The following SNRPD3 variants were observed in gnomAD, a reference collection of about 807,000 sequenced individuals.
SNRPD3 encodes the protein small nuclear ribonucleoprotein D3 polypeptide.
For synonymous variants in SNRPD3, 66 were observed against 58.4 expected, an observed-to-expected ratio of 1.13 and a Z score of -0.59; for missense variants, 73 against 167.5, an observed-to-expected ratio of 0.44 and a Z score of 3.11.
intron 2 of SNRPD3, among the ~76,000 whole-genome samples, chr22:24,560,142 A>AGTCTTGCTCTGTCACCCAGGCTGCG (rs2045120001): frequency 7.7e-6 from 1 of 129,364 alleles, no homozygotes; most frequent in Non-Finnish European, 1.5e-5. Flanking sequence ...CCCAGGCTGC[A>AGTCTTGCTCTGTCACCCAGGCTGCG]GTCTTGCTCT....
Position 24,569,140 on chromosome 22 carries a change from G to A in SNRPD3, c.319+964G>A, listed in dbSNP as rs145162404. Among the ~76,000 whole-genome samples, 465 of 152,280 alleles carry A rather than the reference G, an allele frequency of 3.1e-3. 6 individuals carry two copies. Among genetic ancestry groups the A allele is most frequent in the East Asian group, 0.021 (111 of 5,186 alleles). On this transcript the variant is annotated intron_variant, in intron 3 of 3. Transcript: ENST00000215829. ...AGGGCAGCATTTCCTAGCGAGACTG[G>A]GTCTTATGGATGGACACCAGCATGT...
Position 24,572,198 on chromosome 22 carries a change from A to G in SNRPD3, c.*221A>G, listed in dbSNP as rs191761698. On this transcript the variant is annotated 3_prime_UTR_variant, in exon 4 of 4. Coordinates refer to ENST00000215829, the MANE Select transcript of SNRPD3 (RefSeq NM_004175.5). ...TGTTCATTTGAAGTTTGCTTTGGCT[A>G]AATTTTGACACCCTGGGGGATGTCC... is the stretch of plus-strand genomic sequence containing the variant. 116 of 798,522 alleles carry G rather than the reference A, an allele frequency of 1.5e-4. 1 individual carries two copies. The African/African-American group carries it at 1.7e-3, about 12-fold the overall frequency. 49.5% of individuals were successfully genotyped at this position (798,522 alleles called of 1,614,324 possible).
intron 3 of SNRPD3, among the ~76,000 whole-genome samples, chr22:24,570,815 CTTTT>C (rs10705174): frequency 9.4e-6 from 1 of 106,700 alleles, no homozygotes. Context: ...TGAAATAATT[CTTTT>C]TTTTTTTTTT....
In SNRPD3 at chr22:24,557,755, A is replaced by C. The variant is rs781310112; in HGVS notation, c.81A>C (p.Val27=). The C allele has an allele frequency of 1.2e-6, 2 of 1,611,260 alleles. No individual in the cohort carries two copies. The highest frequency in any genetic ancestry group is 2.2e-5 in the South Asian group (2 of 90,424). The change falls in exon 2 of 4, where the codon GTA becomes GTC. Residue 27 remains valine (V), a synonymous_variant. Coordinates refer to ENST00000215829, the MANE Select transcript of SNRPD3 (RefSeq NM_004175.5). ...IVTCETNTGE[V]YRGKLIEAED... is the part of the protein sequence containing the mutation. ...CATGTGAGACGAACACCGGTGAGGTATATCGGGGGAAGCTCATTGAAGCAG... is the reference window on the plus strand; with the variant it reads ...CATGTGAGACGAACACCGGTGAGGTCTATCGGGGGAAGCTCATTGAAGCAG...
At chr22:24,569,888 C>G (rs1450360565) in intron 3 of SNRPD3, among the ~76,000 whole-genome samples, 1 of 152,192 alleles carries the variant, frequency 6.6e-6, no homozygotes, top group Non-Finnish European at 1.5e-5. Context: ...AGCTTCTAGC[C>G]CCATGGAGTT....
chr22:24,561,490 A>C (rs948916178), intron 2 of SNRPD3, among the ~76,000 whole-genome samples: 3 of 152,190 alleles, frequency 2.0e-5, no homozygotes, highest in Non-Finnish European at 2.9e-5. Context: ...TAGAGGCCTC[A>C]CTGGGTCTAT....
At position 24,557,791 on chromosome 22, in the gene SNRPD3, G is replaced by T. The variant is rs1262952964; in HGVS notation, c.117G>T (p.Met39Ile). ...AGCTCATTGAAGCAGAGGACAACAT[G>T]AACTGCCAGGTATTCTGCTTTGCAT... is the stretch of plus-strand genomic sequence containing the variant. ...RGKLIEAEDN[M>I]NCQMSNITVT... The change falls in exon 2 of 4, where the codon ATG becomes ATT. Residue 39 changes from methionine (M) to isoleucine (I), a missense_variant. By Grantham distance (10) the Met-to-Ile change is conservative. Transcript: ENST00000215829. 1.2e-6 allele frequency: 2 copies of T among 1,607,866 alleles called. No homozygotes were observed. Among genetic ancestry groups the T allele is most frequent in the East Asian group, 4.5e-5 (2 of 44,434 alleles).
intron 2 of SNRPD3, among the ~76,000 whole-genome samples, chr22:24,563,113 A>G (rs1292788368): frequency 6.6e-6 from 1 of 151,960 alleles, no homozygotes; most frequent in East Asian, 1.9e-4. Flanking sequence ...CATGCCTGTA[A>G]TCCCAGCACT....
rs537356630 is a variant in SNRPD3, at chr22:24,573,997, C to G, written c.*2020C>G. Among the ~76,000 whole-genome samples the G allele has an allele frequency of 6.6e-6, 1 of 152,338 alleles. No individual in the cohort carries two copies. Among genetic ancestry groups the G allele is most frequent in the South Asian group, 2.1e-4 (1 of 4,822 alleles). ...CCAGGAATCTGCATTTTAAACAATT[C>G]CCTGGTCCCCAGATAAGTAATTCTT... On this transcript the variant is annotated 3_prime_UTR_variant, in exon 4 of 4. Coordinates refer to ENST00000215829, the MANE Select transcript of SNRPD3 (RefSeq NM_004175.5).
Position 24,574,211 on chromosome 22 carries a change from T to C in SNRPD3, c.*2234T>C, listed in dbSNP as rs575392761. On this transcript the variant is annotated 3_prime_UTR_variant, in exon 4 of 4. Coordinates refer to ENST00000215829, the MANE Select transcript of SNRPD3 (RefSeq NM_004175.5). ...AAAAGCGACTTTTGATGTAGTTCAC[T>C]CTGGACCCGTACAGGAACACCAGCC... Among the ~76,000 whole-genome samples, 4 of 152,328 alleles carry C rather than the reference T, an allele frequency of 2.6e-5. No individual in the cohort carries two copies. The highest frequency in any genetic ancestry group is 9.6e-5 in the African/African-American group (4 of 41,576).
intron 3 of SNRPD3, among the ~76,000 whole-genome samples, chr22:24,569,401 A>G (rs575313394): frequency 2.0e-5 from 3 of 152,336 alleles, no homozygotes; most frequent in East Asian, 3.9e-4. Context: ...CAGCCAAGGA[A>G]GGCACTGGAT....
chr22:24,567,803 T>G (rs919495646), intron 2 of SNRPD3, among the ~76,000 whole-genome samples, 181 bp from the exon 3 acceptor site: 4 of 152,006 alleles, frequency 2.6e-5, no homozygotes, highest in Non-Finnish European at 4.4e-5. Context: ...GAGGACTGTT[T>G]AGGTAAAGTG....
At chr22:24,563,143 G>A (rs1338530903) in intron 2 of SNRPD3, among the ~76,000 whole-genome samples, 1 of 151,974 alleles carries the variant, frequency 6.6e-6, no homozygotes, top group African/African-American at 2.4e-5. Context: ...TGGGCCAGGG[G>A]GATCACTTGA....
rs368680266 is a variant in SNRPD3 at position 24,556,841 on chromosome 22, T to TA, written c.-19+771dup. On this transcript the variant is annotated intron_variant, in intron 1 of 3. Coordinates refer to ENST00000215829, the MANE Select transcript of SNRPD3 (RefSeq NM_004175.5). Reference sequence around the variant, plus strand: ...TCTTAGGTACGCTTAAGTTGAAACTTAGAGTTGTTGCTCATCTCAATAAAA... The same window carrying TA: ...TCTTAGGTACGCTTAAGTTGAAACTTAAGAGTTGTTGCTCATCTCAATAAAA... Among the ~76,000 whole-genome samples the TA allele has an allele frequency of 3.0e-3, 452 of 152,374 alleles. 2 individuals are homozygous for TA. Among genetic ancestry groups the TA allele is most frequent in the African/African-American group, 0.011 (437 of 41,584 alleles).
upstream of SNRPD3, chr22:24,555,792 A>C (rs1239958561): frequency 3.9e-6 from 6 of 1,549,208 alleles, no homozygotes; most frequent in Non-Finnish European, 5.2e-6. Context: ...TGCCGGCCCC[A>C]AGGGTCGTTG....
chr22:24,568,626 C>T (rs1601570850), intron 3 of SNRPD3, among the ~76,000 whole-genome samples: 2 of 151,842 alleles, frequency 1.3e-5, no homozygotes, highest in East Asian at 1.9e-4. Context: ...GGCGTGATCT[C>T]GGCTCACTGC....
intron 3 of SNRPD3, among the ~76,000 whole-genome samples, chr22:24,569,017 C>T (rs2045224378): frequency 6.6e-6 from 1 of 152,126 alleles, no homozygotes; most frequent in South Asian, 2.1e-4. Context: ...AGAGGCCCAT[C>T]TTTTCTAGAA....
At chr22:24,563,157 C>T (rs2045159676) in intron 2 of SNRPD3, among the ~76,000 whole-genome samples, 1 of 151,450 alleles carries the variant, frequency 6.6e-6, no homozygotes, top group African/African-American at 2.4e-5. Context: ...CACTTGATCC[C>T]AAGAGTTTGG....
At chr22:24,562,773 A>T (rs1178971062) in intron 2 of SNRPD3, among the ~76,000 whole-genome samples, 1 of 152,210 alleles carries the variant, frequency 6.6e-6, no homozygotes, top group African/African-American at 2.4e-5. Context: ...GGTGCAGGTA[A>T]GCTGGGGTAG....
Sources: allele counts gnomAD v4.1 joint callset (sites outside exome capture counted in the v4.1 genomes callset), GRCh38; gene constraint gnomAD v4.1.1; transcripts MANE v1.5; gene names NCBI Gene and HGNC (gene_info 2026-07-23, HGNC 2026-07-21).